The following ELMO1 variants were observed in gnomAD, a reference collection of about 807,000 sequenced individuals.
The protein encoded by ELMO1 is engulfment and cell motility protein 1.
ELMO1 carries 26 observed loss-of-function variants against 98.9 expected under a neutral mutation model. That is an observed-to-expected ratio of 0.26 (90% CI 0.19 to 0.36). The LOEUF (loss-of-function observed/expected upper bound fraction) is 0.36. Among genes scored for constraint, ELMO1 ranks in the 10% least tolerant of loss-of-function variants. ELMO1 has a pLI of 1.00. For missense variants in ELMO1, 627 were observed against 935.2 expected (o/e 0.67, Z 4.30); for synonymous variants, 346 against 346.0 (o/e 1.00, Z 0.00).
chr7:36,904,280 C>T (rs564219658), intron 16 of ELMO1, among the ~76,000 whole-genome samples: 36 of 152,336 alleles, frequency 2.4e-4, no homozygotes, highest in Non-Finnish European at 3.4e-4. Context: ...AAATGTGCCT[C>T]GAGAGCCAAA....
At chr7:37,005,692 CAAAA>C (rs71553094) in intron 16 of ELMO1, among the ~76,000 whole-genome samples, 797 of 37,456 alleles carry the variant, frequency 0.021, 5 homozygotes, top group African/African-American at 0.044. Context: ...GACTCTGTCT[CAAAA>C]AAAAAAAAAA....
At chr7:37,004,596 A>G (rs908914179) in intron 16 of ELMO1, among the ~76,000 whole-genome samples, 1 of 152,234 alleles carries the variant, frequency 6.6e-6, no homozygotes, top group African/African-American at 2.4e-5. Flanking sequence ...AGAAATGAGA[A>G]GCACCTCATG....
chr7:37,119,975 G>A lies in ELMO1; in HGVS notation c.1191+13155C>T, dbSNP rs907696252. 1.1e-4 allele frequency among the ~76,000 whole-genome samples: 17 copies of A among 152,092 alleles called. No homozygotes were observed. The South Asian group carries it at 1.7e-3, about 15-fold the overall frequency. On this transcript the variant is annotated intron_variant, in intron 14 of 21. Coordinates refer to ENST00000310758, the MANE Select transcript of ELMO1 (RefSeq NM_014800.11). ...TTTTTTGGGTAAGCAATTATATCTC[G>A]ATAAAACTAGAAAACAAAAAAGAAT...
intron 13 of ELMO1, among the ~76,000 whole-genome samples, chr7:37,171,483 ATTTTTTTTTTTTT>A (rs71780142): frequency 1.2e-5 from 1 of 82,944 alleles, no homozygotes; most frequent in East Asian, 4.7e-4. Context: ...AGGCCTTTCT[ATTTTTTTTTTTTT>A]TTTTTTTTTT....
At position 37,195,068 on chromosome 7, in the gene ELMO1, C is replaced by T. The variant is rs898821439; in HGVS notation, c.1086+16318G>A. On this transcript the variant is annotated intron_variant, in intron 13 of 21. Transcript: ENST00000310758. ...CAGGCTAATAAGCAAGTACAAACTA[C>T]GTGCTGAAACGGGGGTAGGACCTGG... Among the ~76,000 whole-genome samples, 8 of 152,290 alleles carry T rather than the reference C, an allele frequency of 5.3e-5. No homozygotes were observed. In the East Asian group the frequency reaches 5.8e-4, roughly 11 times the overall value.
At chr7:36,868,207 TG>T (rs1238571233) in intron 20 of ELMO1, among the ~76,000 whole-genome samples, 1 of 152,218 alleles carries the variant, frequency 6.6e-6, no homozygotes, top group Non-Finnish European at 1.5e-5. Flanking sequence ...AGTTCAGACA[TG>T]TTAAGGATTA....
chr7:37,314,722 ACT>A, intron 4 of ELMO1, 126 bp downstream of exon 4: 1 of 719,248 alleles, frequency 1.4e-6, no homozygotes. Flanking sequence ...TGCTTTACAG[ACT>A]CTATTTTCGT....
intron 16 of ELMO1, among the ~76,000 whole-genome samples, chr7:36,895,341 G>A (rs766253479): frequency 6.6e-6 from 1 of 152,170 alleles, no homozygotes; most frequent in Non-Finnish European, 1.5e-5. Flanking sequence ...GCTAACTCAA[G>A]AGTCAGGAAT....
intron 13 of ELMO1, among the ~76,000 whole-genome samples, chr7:37,201,154 T>A (rs1228363845): frequency 6.6e-6 from 1 of 152,130 alleles, no homozygotes; most frequent in African/African-American, 2.4e-5. Context: ...AAGATTCTAT[T>A]TACCTGAGAA....
intron 4 of ELMO1, among the ~76,000 whole-genome samples, chr7:37,286,562 T>C (rs1797400603): frequency 6.6e-6 from 1 of 152,180 alleles, no homozygotes; most frequent in East Asian, 1.9e-4. Context: ...AGCCTCTGCT[T>C]GGCTCATTCA....
rs547081144 is a variant in ELMO1, at chr7:36,978,318, G to A, written c.1437+34981C>T. Among the ~76,000 whole-genome samples, 5 of 151,286 alleles carry A rather than the reference G, an allele frequency of 3.3e-5. 1 individual carries two copies. Among genetic ancestry groups the A allele is most frequent in the African/African-American group, 7.3e-5 (3 of 41,190 alleles). ...AATCTATCTGACATCCTAGGACTCA[G>A]GTTACTTCAAGATCTAGGATGCTAT... On this transcript the variant is annotated intron_variant, in intron 16 of 21. Transcript: ENST00000310758.
chr7:37,421,939 T>C (rs1804491611), intron 1 of ELMO1, among the ~76,000 whole-genome samples: 1 of 152,098 alleles, frequency 6.6e-6, no homozygotes, highest in Admixed American at 6.6e-5. Context: ...CTGACCTGAG[T>C]GGGACCAGGA....
chr7:37,014,251 C>T (rs1479260799), intron 15 of ELMO1, among the ~76,000 whole-genome samples: 1 of 151,960 alleles, frequency 6.6e-6, no homozygotes, highest in African/African-American at 2.4e-5. Context: ...TAAGTTATAC[C>T]TCATTTGATC....
At position 37,271,818 on chromosome 7, in the gene ELMO1, T is replaced by G; in HGVS notation, c.243+14A>C. On this transcript the variant is annotated intron_variant, in intron 5 of 21. Coordinates refer to ENST00000310758, the MANE Select transcript of ELMO1 (RefSeq NM_014800.11). The stretch of plus-strand genomic sequence containing the variant: ...AAAGAGTTTGCTGGAAGTCAGAAGC[T>G]AAGATCAACTTACTGGAGATGTGGT... 6.2e-7 allele frequency: 1 copy of G among 1,613,316 alleles called. No individual in the cohort carries two copies. Among genetic ancestry groups the G allele is most frequent in the Admixed American group, 1.7e-5 (1 of 59,898 alleles).
intron 14 of ELMO1, among the ~76,000 whole-genome samples, chr7:37,104,757 A>G (rs976389795): frequency 2.0e-5 from 3 of 152,340 alleles, no homozygotes; most frequent in South Asian, 2.1e-4. Flanking sequence ...GAAAAGGACA[A>G]AAAACTTAAA....
At chr7:37,221,827 A>T (rs1186006634) in intron 10 of ELMO1, among the ~76,000 whole-genome samples, 2 of 151,978 alleles carry the variant, frequency 1.3e-5, no homozygotes, top group East Asian at 1.9e-4. Context: ...CCTCCTGAGT[A>T]GCTGGGATTA....
intron 1 of ELMO1, among the ~76,000 whole-genome samples, chr7:37,352,778 A>T (rs1269804851): frequency 1.3e-5 from 2 of 152,246 alleles, no homozygotes; most frequent in Admixed American, 1.3e-4. Flanking sequence ...AACTTCTATT[A>T]ACTGCAACTT....
At chr7:37,250,421 G>C (rs537158675) in intron 6 of ELMO1, among the ~76,000 whole-genome samples, 1 of 152,140 alleles carries the variant, frequency 6.6e-6, no homozygotes, top group Non-Finnish European at 1.5e-5. Context: ...AAAAATAGTC[G>C]TCTGTGGAAA....
intron 16 of ELMO1, among the ~76,000 whole-genome samples, chr7:36,910,197 A>G (rs990063748): frequency 1.3e-5 from 2 of 152,240 alleles, no homozygotes; most frequent in African/African-American, 4.8e-5. Flanking sequence ...CGGTTGATGG[A>G]TCTGCCAAGA....
Sources: allele counts gnomAD v4.1 joint callset (sites outside exome capture counted in the v4.1 genomes callset), GRCh38; gene constraint gnomAD v4.1.1; transcripts MANE v1.5; gene names NCBI Gene and HGNC (gene_info 2026-07-23, HGNC 2026-07-21).